The following PSD3 variants were observed in gnomAD, a reference collection of about 807,000 sequenced individuals.
The protein encoded by PSD3 is pleckstrin and Sec7 domain containing 3.
Under a neutral mutation model 105.5 loss-of-function variants are expected in PSD3, and 49 were observed. The observed-to-expected ratio is 0.46, with a 90% CI of 0.37 to 0.59. The LOEUF is 0.59. Ranked by LOEUF, PSD3 falls within the 20% of genes least tolerant of loss-of-function variation. PSD3 has a pLI of 0.00. For missense variants in PSD3, 1,561 were observed against 1,263.8 expected (o/e 1.24, Z -3.57); for synonymous variants, 557 against 457.8 (o/e 1.22, Z -2.77).
intron 12 of PSD3, among the ~76,000 whole-genome samples, chr8:18,578,946 C>T (rs1032024096): frequency 6.6e-6 from 1 of 152,006 alleles, no homozygotes; most frequent in African/African-American, 2.4e-5. Flanking sequence ...TTAATTAGGG[C>T]TAAACTGAAG....
chr8:18,736,098 T>C (rs1401318739), intron 9 of PSD3, among the ~76,000 whole-genome samples: 1 of 152,176 alleles, frequency 6.6e-6, no homozygotes. Context: ...TGAGCACATC[T>C]CCTATGCTAC....
rs549289459 is a variant in PSD3 at position 18,959,303 on chromosome 8, C to G, written c.22-23161G>C. Among the ~76,000 whole-genome samples, 19 of 152,214 alleles carry G rather than the reference C, an allele frequency of 1.2e-4. No individual in the cohort carries two copies. In the South Asian group the frequency reaches 3.5e-3, roughly 28 times the overall value. On this transcript the variant is annotated intron_variant, in intron 1 of 15. Coordinates refer to ENST00000327040, the MANE Select transcript of PSD3 (RefSeq NM_015310.4). ...TCATTTCAGGGTGTTTCATATCCAT[C>G]TCCCTTCCGAACATCCAAAGCCAGA...
Position 18,790,941 on chromosome 8 carries a change from G to A in PSD3, c.2082+8354C>T, listed in dbSNP as rs567876425. 1.6e-4 allele frequency among the ~76,000 whole-genome samples: 24 copies of A among 152,232 alleles called. No individual in the cohort carries two copies. In the East Asian group the frequency reaches 3.9e-3, roughly 25 times the overall value. ...ATTCCTACACACCAAAAGTCAAGCC[G>A]ACAGCCAAATCATGAATGAACTCCC... On this transcript the variant is annotated intron_variant, in intron 8 of 15. Transcript: ENST00000327040.
intron 1 of PSD3, among the ~76,000 whole-genome samples, chr8:19,072,094 G>C (rs1829285228): frequency 7.7e-6 from 1 of 129,200 alleles, no homozygotes; most frequent in Admixed American, 9.3e-5. Flanking sequence ...TTGGTTTCCT[G>C]AATATTTCTT....
intron 4 of PSD3, among the ~76,000 whole-genome samples, chr8:18,843,264 G>A (rs1299582233): frequency 1.3e-5 from 2 of 151,854 alleles, no homozygotes; most frequent in African/African-American, 4.8e-5. Context: ...GGGAGGCTGA[G>A]GCAGGAGAAT....
intron 2 of PSD3, among the ~76,000 whole-genome samples, chr8:18,922,135 A>G (rs1821060811): frequency 6.6e-6 from 1 of 152,202 alleles, no homozygotes; most frequent in African/African-American, 2.4e-5. Context: ...CCATGAAGGG[A>G]GACTGCTAAA....
At chr8:18,857,238 A>T (rs1427710667) in intron 4 of PSD3, among the ~76,000 whole-genome samples, 2 of 152,194 alleles carry the variant, frequency 1.3e-5, no homozygotes, top group Non-Finnish European at 2.9e-5. Context: ...TTCTGCCTCT[A>T]AGCAACTTGC....
At chr8:18,618,555 GT>G (rs1156986000) in intron 11 of PSD3, among the ~76,000 whole-genome samples, 1 of 142,130 alleles carries the variant, frequency 7.0e-6, no homozygotes, top group East Asian at 1.9e-4. Context: ...CCATTAAACT[GT>G]TTCTAAAATG....
At chr8:18,715,605 A>T (rs1171754451) in intron 9 of PSD3, among the ~76,000 whole-genome samples, 2 of 152,228 alleles carry the variant, frequency 1.3e-5, no homozygotes, top group African/African-American at 4.8e-5. Flanking sequence ...CATAATTTTT[A>T]AAAAAGCAAA....
At chr8:18,832,403 T>G (rs1244482665) in intron 4 of PSD3, among the ~76,000 whole-genome samples, 1 of 152,004 alleles carries the variant, frequency 6.6e-6, no homozygotes, top group East Asian at 1.9e-4. Context: ...TAGATTCACA[T>G]CAGGATAAAA....
At chr8:18,998,419 G>C (rs1440250595) in intron 1 of PSD3, among the ~76,000 whole-genome samples, 1 of 151,984 alleles carries the variant, frequency 6.6e-6, no homozygotes, top group African/African-American at 2.4e-5. Flanking sequence ...CGGGTGCGGT[G>C]GCTCACGCCT....
intron 1 of PSD3, among the ~76,000 whole-genome samples, chr8:18,947,560 G>A (rs928133252): frequency 1.3e-5 from 2 of 152,216 alleles, no homozygotes. Context: ...GGCCATATGG[G>A]GTGGCGGGGG....
At chr8:19,079,351 ATG>A (rs1829567467) in intron 1 of PSD3, among the ~76,000 whole-genome samples, 1 of 152,232 alleles carries the variant, frequency 6.6e-6, no homozygotes. Flanking sequence ...TTTAAAATGG[ATG>A]TTTCACTGCA....
At chr8:18,669,192 G>C (rs1468934544) in intron 9 of PSD3, among the ~76,000 whole-genome samples, 1 of 152,086 alleles carries the variant, frequency 6.6e-6, no homozygotes, top group Admixed American at 6.6e-5. Flanking sequence ...TATATGAAGG[G>C]AAATTGTTTT....
intron 9 of PSD3, among the ~76,000 whole-genome samples, chr8:18,675,710 G>T (rs1800031188): frequency 6.6e-6 from 1 of 152,110 alleles, no homozygotes; most frequent in Non-Finnish European, 1.5e-5. Flanking sequence ...TTTAAAAAAA[G>T]AAATAAAATC....
intron 12 of PSD3, among the ~76,000 whole-genome samples, chr8:18,594,798 T>C (rs145420167): frequency 3.3e-5 from 5 of 152,158 alleles, no homozygotes; most frequent in Admixed American, 2.0e-4. Context: ...TGATACCTAA[T>C]AAAAGGCCTA....
In PSD3 at chr8:18,557,079, T is replaced by C. The variant is rs891285518; in HGVS notation, c.2785-727A>G. Among the ~76,000 whole-genome samples, 21 of 152,236 alleles carry C rather than the reference T, an allele frequency of 1.4e-4. 1 individual carries two copies. Among genetic ancestry groups the C allele is most frequent in the Admixed American group, 3.3e-4 (5 of 15,278 alleles). ...ATTTCCATTCTAAGGGTACCATTTA[T>C]ATCACCTTAGCAATAGGCTACCCAA... On this transcript the variant is annotated intron_variant, in intron 14 of 15. Transcript: ENST00000327040.
chr8:18,744,791 C>T (rs1407796550), intron 9 of PSD3, among the ~76,000 whole-genome samples: 2 of 152,206 alleles, frequency 1.3e-5, no homozygotes, highest in East Asian at 1.9e-4. Context: ...TTCCCCATTA[C>T]TGCCCTTGTC....
chr8:18,619,942 C>G (rs1446268831), intron 11 of PSD3, among the ~76,000 whole-genome samples: 1 of 152,164 alleles, frequency 6.6e-6, no homozygotes, highest in East Asian at 1.9e-4. Flanking sequence ...CTTTCTAGGC[C>G]TTTCCCAGAT....
Sources: allele counts gnomAD v4.1 joint callset (sites outside exome capture counted in the v4.1 genomes callset), GRCh38; gene constraint gnomAD v4.1.1; transcripts MANE v1.5; gene names NCBI Gene and HGNC (gene_info 2026-07-23, HGNC 2026-07-21).